TRRAP: variants seen among roughly 807,000 people sequenced by gnomAD.
TRRAP encodes transformation/transcription domain associated protein.
A neutral mutation model predicts 438.8 loss-of-function variants in TRRAP; 41 were observed. That is an observed-to-expected ratio of 0.09 (90% CI 0.07 to 0.12). The LOEUF is 0.12. TRRAP is among the 10% of genes least tolerant of loss of function. The pLI, the probability that TRRAP is intolerant of heterozygous loss-of-function variation, is 1.00. For missense variants in TRRAP, 3,122 were observed against 5,055.1 expected, an observed-to-expected ratio of 0.62 and a Z score of 11.60; for synonymous variants, 1,994 against 1,962.9, an observed-to-expected ratio of 1.02 and a Z score of -0.42.
At chr7:98,981,416 A>G (rs181501089) in intron 58 of TRRAP, among the ~76,000 whole-genome samples, 196 of 152,254 alleles carry the variant, frequency 1.3e-3, no homozygotes, top group African/African-American at 4.4e-3. Flanking sequence ...AAATAATAAT[A>G]ATAATGCCGG....
At chr7:98,946,946 A>G (rs1254797719) in intron 33 of TRRAP, among the ~76,000 whole-genome samples, 2 of 152,226 alleles carry the variant, frequency 1.3e-5, no homozygotes, top group Admixed American at 1.3e-4. Context: ...AGAGAATTGT[A>G]GGGGGCATGG....
chr7:98,912,059 C>T lies in TRRAP; in HGVS notation c.2045C>T (p.Ser682Phe), dbSNP rs1554408874. Residue 682 changes from serine to phenylalanine, a missense_variant, in exon 18 of 73, where the codon TCT (serine) becomes TTT (phenylalanine). Coordinates refer to ENST00000456197, the MANE Select transcript of TRRAP (RefSeq NM_001375524.1). The part of the protein sequence containing the change: ...ANSFLANPTT[S>F]ALFATILVEY... ...TCCTTCTTGGCAAATCCTACTACCT[C>T]TGCTCTGTTTGCTACGATTCTGGTG... 6.2e-7 allele frequency: 1 copy of T among 1,614,146 alleles called. No homozygotes were observed. The highest frequency in any genetic ancestry group is 1.7e-5 in the Admixed American group (1 of 60,006).
At chr7:98,973,380 G>A (rs1379209300) in intron 53 of TRRAP, among the ~76,000 whole-genome samples, 1 of 152,188 alleles carries the variant, frequency 6.6e-6, no homozygotes, top group Non-Finnish European at 1.5e-5. Flanking sequence ...CACGTCATCA[G>A]GTGCCTGGGC....
At chr7:98,984,740 T>G (rs1441721292) in intron 61 of TRRAP, among the ~76,000 whole-genome samples, 1 of 152,216 alleles carries the variant, frequency 6.6e-6, no homozygotes, top group Non-Finnish European at 1.5e-5. Flanking sequence ...GTATTTAGGA[T>G]TAAATACTTA....
intron 31 of TRRAP, among the ~76,000 whole-genome samples, chr7:98,945,427 CTT>C (rs1307738012): frequency 1.3e-5 from 2 of 152,154 alleles, no homozygotes; most frequent in East Asian, 1.9e-4. Flanking sequence ...CTACAAAAGA[CTT>C]TTTAAAAATG....
chr7:99,005,201 A>G lies in TRRAP; in HGVS notation c.10606A>G (p.Asn3536Asp), dbSNP rs1261069101. 1 of 1,614,022 alleles carries G rather than the reference A, an allele frequency of 6.2e-7. No homozygotes were observed. Among genetic ancestry groups the G allele is most frequent in the Non-Finnish European group, 8.5e-7 (1 of 1,179,980 alleles). ...AARRLYIRGHNGKIYPYLVMN... is the reference protein window; with the variant it reads ...AARRLYIRGHDGKIYPYLVMN... ...CCGGCGGCTGTACATCCGGGGACACAATGGCAAGATCTACCCATACCTCGT... is the reference window on the plus strand; with the variant it reads ...CCGGCGGCTGTACATCCGGGGACACGATGGCAAGATCTACCCATACCTCGT... Residue 3536 changes from asparagine (N) to aspartate (D), a missense_variant, in exon 69 of 73, where the codon AAT becomes GAT. Transcript: ENST00000456197. The surrounding 1 kb of genome is among the most constrained non-coding windows in gnomAD (Gnocchi z 5.1).
Position 98,929,642 on chromosome 7 carries a change from G to A in TRRAP, c.3176-347G>A, listed in dbSNP as rs888386407. 9.3e-5 allele frequency among the ~76,000 whole-genome samples: 14 copies of A among 151,234 alleles called. No individual in the cohort carries two copies. The Middle Eastern group carries it at 0.017, about 186-fold the overall frequency. On this transcript the variant is annotated intron_variant, in intron 23 of 72. Transcript: ENST00000456197. ...TTTTGAGACGGAGTCTCACTCTGGCGGCCAGGCTGGAGTGCAGTGGTGTGA... is the reference window on the plus strand; with the variant it reads ...TTTTGAGACGGAGTCTCACTCTGGCAGCCAGGCTGGAGTGCAGTGGTGTGA...
intron 6 of TRRAP, among the ~76,000 whole-genome samples, chr7:98,894,810 T>G (rs1796128319): frequency 3.9e-5 from 4 of 102,818 alleles, no homozygotes; most frequent in African/African-American, 1.2e-4. Context: ...TTTTTTTTTG[T>G]ATTTTTAGTA....
rs1009949846 is a variant in TRRAP at position 98,978,885 on chromosome 7, T to C, written c.8615T>C (p.Met2872Thr). ...TGGCGGGTGTCCAACTGGACTGCCA[T>C]GAAGGAGGCGCTGGTGCAGGTGAGA... ...CAWRVSNWTA[M>T]KEALVQVEVS... The change falls in exon 58 of 73, where the codon ATG becomes ACG. Residue 2872 changes from methionine (M) to threonine (T), a missense_variant. Physicochemically the swap from Met to Thr is moderately conservative, Grantham distance 81 (BLOSUM62 -1). Transcript: ENST00000456197. 1.9e-6 allele frequency: 3 copies of C among 1,614,092 alleles called. No individual in the cohort carries two copies. Among genetic ancestry groups the C allele is most frequent in the East Asian group, 2.2e-5 (1 of 44,872 alleles).
Position 98,897,695 on chromosome 7 carries a change from A to T in TRRAP, c.508-46A>T, listed in dbSNP as rs188859831. On this transcript the variant is annotated intron_variant, in intron 7 of 72. Transcript: ENST00000456197. ...TGTTTTGTTTTGTTTTTGAATGAAT[A>T]TTGGGTTTGACTTTAGGAAAAAATA... 61 of 1,549,998 alleles carry T rather than the reference A, an allele frequency of 3.9e-5. No individual in the cohort carries two copies. In the East Asian group the frequency reaches 6.2e-4, roughly 16 times the overall value.
chr7:98,995,908 G>T (rs1472111787), intron 67 of TRRAP, among the ~76,000 whole-genome samples: 1 of 120,530 alleles, frequency 8.3e-6, no homozygotes, highest in African/African-American at 3.6e-5. Flanking sequence ...CTACACACCC[G>T]CGTCCCATCC....
intron 11 of TRRAP, 140 bp from the exon 12 acceptor site, chr7:98,903,239 C>G: frequency 9.9e-7 from 1 of 1,006,404 alleles, no homozygotes; most frequent in Non-Finnish European, 1.5e-6. Context: ...CCAGGCTAGT[C>G]TTGATCTCCT....
In TRRAP at chr7:98,980,356, A is replaced by G. The variant is rs193273214; in HGVS notation, c.8635-1413A>G. Among the ~76,000 whole-genome samples, 209 of 151,850 alleles carry G rather than the reference A, an allele frequency of 1.4e-3. 1 individual carries two copies. The highest frequency in any genetic ancestry group is 4.0e-3 in the African/African-American group (166 of 41,118). ...CTACAGCAATTCCTGTAAACTTCCC[A>G]TCATAGAGATGTCCTTCCATCTTTC... On this transcript the variant is annotated intron_variant, in intron 58 of 72. Coordinates refer to ENST00000456197, the MANE Select transcript of TRRAP (RefSeq NM_001375524.1).
chr7:98,931,299 G>A, intron 25 of TRRAP, 106 bp from the exon 26 acceptor site: 1 of 1,504,842 alleles, frequency 6.6e-7, no homozygotes, highest in South Asian at 1.3e-5. Flanking sequence ...GGCGAGAAGG[G>A]CATGGACCCC....
intron 28 of TRRAP, 83 bp downstream of exon 28, chr7:98,935,758 G>T: frequency 9.3e-7 from 1 of 1,078,614 alleles, no homozygotes; most frequent in Non-Finnish European, 1.3e-6. Flanking sequence ...GTGGCCTTTT[G>T]TTGTTGTCTA....
chr7:99,006,081 A>C (rs1794152209), intron 69 of TRRAP, among the ~76,000 whole-genome samples: 1 of 152,228 alleles, frequency 6.6e-6, no homozygotes, highest in African/African-American at 2.4e-5. Flanking sequence ...AGAAATTGCC[A>C]GGGGGACACA....
Position 98,975,200 on chromosome 7 carries a change from T to C in TRRAP, c.7840-949T>C, listed in dbSNP as rs553261228. ...TAGGAGCGTTCTTTACCTAAATGTT[T>C]TCACCCATTTTCCTTGAAAGATTTG... On this transcript the variant is annotated intron_variant, in intron 53 of 72. Coordinates refer to ENST00000456197, the MANE Select transcript of TRRAP (RefSeq NM_001375524.1). Among the ~76,000 whole-genome samples the C allele has an allele frequency of 2.0e-5, 3 of 152,368 alleles. No individual in the cohort carries two copies. The Middle Eastern group carries it at 0.01, about 518-fold the overall frequency.
At chr7:98,989,457 C>T (rs1793293410) in intron 63 of TRRAP, among the ~76,000 whole-genome samples, 1 of 152,354 alleles carries the variant, frequency 6.6e-6, no homozygotes, top group East Asian at 1.9e-4. Context: ...CACTCAGGTT[C>T]CCCCTTCATG....
rs782091516 is a variant in TRRAP, at chr7:98,930,819, T to C, written c.3580T>C (p.Leu1194=). The C allele has an allele frequency of 5.0e-6, 8 of 1,614,108 alleles. No homozygotes were observed. Among genetic ancestry groups the C allele is most frequent in the Admixed American group, 1.7e-5 (1 of 59,996 alleles). ...LKALLFVMMD[L]TGEVSNGAVA... ...AGCACTTCTCTTTGTCATGATGGAC[T>C]TAACTGGAGAGGTAGGTGATGGGTG... The change falls in exon 25 of 73, where the codon TTA becomes CTA. Residue 1194 remains leucine (L), a synonymous_variant. Coordinates refer to ENST00000456197, the MANE Select transcript of TRRAP (RefSeq NM_001375524.1).
Sources: gnomAD v4.1 joint callset for allele counts (sites outside exome capture counted in the v4.1 genomes callset) on GRCh38, gnomAD v4.1.1 for gene constraint, Gnocchi (gnomAD v3.1) non-coding constraint, MANE v1.5 for transcripts, NCBI Gene and HGNC (gene_info 2026-07-23, HGNC 2026-07-21) for gene names.